The following SYTL3 variants were observed in gnomAD, a reference collection of about 807,000 sequenced individuals.
The protein encoded by SYTL3 is synaptotagmin-like protein 3.
In SYTL3, 88 loss-of-function variants were observed where a neutral mutation model predicts 82.1. The ratio of observed to expected loss-of-function variants is 1.07; its 90% CI spans 0.90 to 1.28. SYTL3 has a LOEUF of 1.28. SYTL3 is among the 50% of genes most tolerant of loss of function. The probability of loss-of-function intolerance (pLI) is 0.00; values close to 1 mark genes in which losing one functional copy is unlikely to be tolerated. For missense variants in SYTL3, 831 were observed against 757.6 expected (o/e 1.10, Z -1.14); for synonymous variants, 311 against 289.4 (o/e 1.07, Z -0.76).
upstream of SYTL3, among the ~76,000 whole-genome samples, chr6:158,649,625 G>A (rs937667538): frequency 6.6e-6 from 1 of 152,192 alleles, no homozygotes; most frequent in Non-Finnish European, 1.5e-5. Flanking sequence ...AATCTTCATC[G>A]CTCTTGGCCT....
At chr6:158,679,460 G>A (rs764404664) in intron 5 of SYTL3, among the ~76,000 whole-genome samples, 1 of 152,092 alleles carries the variant, frequency 6.6e-6, no homozygotes, top group Non-Finnish European at 1.5e-5. Flanking sequence ...TGCTGATTTT[G>A]CAAGAAAGGG....
At chr6:158,720,121 G>T (rs1353803732) in intron 10 of SYTL3, among the ~76,000 whole-genome samples, 1 of 151,570 alleles carries the variant, frequency 6.6e-6, no homozygotes, top group Non-Finnish European at 1.5e-5. Flanking sequence ...TTAAAAATTG[G>T]CCGGGCACCA....
chr6:158,665,305 GCC>G, intron 4 of SYTL3, 88 bp from the exon 5 acceptor site: 1 of 1,258,330 alleles, frequency 7.9e-7, no homozygotes, highest in Middle Eastern at 2.3e-4. Context: ...CCCTTCCCTT[GCC>G]ATGGGGGTTA....
intron 8 of SYTL3, among the ~76,000 whole-genome samples, chr6:158,708,610 G>T (rs1313674699): frequency 6.6e-6 from 1 of 152,156 alleles, no homozygotes; most frequent in Non-Finnish European, 1.5e-5. Context: ...TGTCATCAGC[G>T]ACCCTTTCTG....
chr6:158,733,190 A>G (rs1785641357), intron 11 of SYTL3, among the ~76,000 whole-genome samples: 1 of 152,198 alleles, frequency 6.6e-6, no homozygotes. Context: ...TTGAATGAAG[A>G]TATTTGTGCT....
intron 6 of SYTL3, among the ~76,000 whole-genome samples, chr6:158,698,492 A>T (rs907240971): frequency 6.6e-6 from 1 of 151,920 alleles, no homozygotes; most frequent in East Asian, 1.9e-4. Flanking sequence ...TTTTAGGTCA[A>T]ACTTTTAGAG....
chr6:158,660,282 C>A (rs66489451), intron 2 of SYTL3, among the ~76,000 whole-genome samples: 26,181 of 151,936 alleles, frequency 0.17, 2,278 homozygotes, highest in African/African-American at 0.19. Flanking sequence ...ACAACAACAA[C>A]AAAAAACAAA....
intron 5 of SYTL3, among the ~76,000 whole-genome samples, chr6:158,679,952 A>G (rs1279122296): frequency 6.6e-6 from 1 of 152,038 alleles, no homozygotes; most frequent in African/African-American, 2.4e-5. Flanking sequence ...TCAGATATGG[A>G]TATTTTGGGC....
intron 10 of SYTL3, among the ~76,000 whole-genome samples, chr6:158,719,627 G>A (rs1264303640): frequency 6.6e-6 from 1 of 152,200 alleles, no homozygotes; most frequent in African/African-American, 2.4e-5. Flanking sequence ...GTCTACAGAA[G>A]CTCCCTCCGA....
chr6:158,649,063 C>G (rs1258522362), upstream of SYTL3, among the ~76,000 whole-genome samples: 1 of 152,178 alleles, frequency 6.6e-6, no homozygotes. Context: ...GACCTCATCC[C>G]CAAGATCCAA....
intron 2 of SYTL3, among the ~76,000 whole-genome samples, chr6:158,654,181 T>C (rs563182428): frequency 2.6e-5 from 4 of 152,270 alleles, no homozygotes; most frequent in Non-Finnish European, 4.4e-5. Flanking sequence ...CCCTCTCTGC[T>C]CCTGTGTGGA....
In SYTL3 at chr6:158,663,291, G is replaced by A. The variant is rs777266435; in HGVS notation, c.23G>A (p.Ser8Asn). The change falls in exon 4 of 18, where the codon AGT becomes AAT. Residue 8 changes from serine (S) to asparagine (N), a missense_variant. Ser to Asn is a conservative substitution (Grantham distance 46). Transcript: ENST00000611299. MAQEIDL[S>N]ALKELEREAI... ...GAAATGGCCCAAGAAATAGATCTGA[G>A]TGCTCTCAAGGAGTTAGAACGCGAG... 4.3e-6 allele frequency: 7 copies of A among 1,614,022 alleles called. No individual in the cohort carries two copies. Among genetic ancestry groups the A allele is most frequent in the South Asian group, 2.2e-5 (2 of 91,072 alleles).
intron 6 of SYTL3, among the ~76,000 whole-genome samples, chr6:158,683,632 T>G (rs746330221): frequency 1.3e-5 from 2 of 152,246 alleles, no homozygotes; most frequent in Non-Finnish European, 2.9e-5. Context: ...GTAATTCTCT[T>G]CTGTAATTGT....
At position 158,764,594 on chromosome 6, in the gene SYTL3, T is replaced by G. The variant is rs759356620; in HGVS notation, c.1823T>G (p.Val608Gly). ...SPNLWTDMTLVLH is the reference protein window; with the variant it reads ...SPNLWTDMTLGLH ...AATCTATGGACAGACATGACTCTTG[T>G]CCTGCACTGACATGAAGGCCTCAAG... The change falls in exon 18 of 18, where the codon GTC becomes GGC. Residue 608 changes from valine (V) to glycine (G), a missense_variant. Coordinates refer to ENST00000611299, the MANE Select transcript of SYTL3 (RefSeq NM_001242394.2). 19 of 1,613,332 alleles carry G rather than the reference T, an allele frequency of 1.2e-5. No homozygotes were observed. In the South Asian group the frequency reaches 1.6e-4, roughly 14 times the overall value.
chr6:158,729,288 C>T (rs1027998298), intron 11 of SYTL3, among the ~76,000 whole-genome samples: 7 of 152,156 alleles, frequency 4.6e-5, no homozygotes, highest in Non-Finnish European at 5.9e-5. Context: ...ATGGACAGGA[C>T]TGGTGTCTAG....
At chr6:158,667,770 A>G (rs979291488) in intron 5 of SYTL3, among the ~76,000 whole-genome samples, 12 of 152,066 alleles carry the variant, frequency 7.9e-5, no homozygotes, top group African/African-American at 2.9e-4. Context: ...CAACCAACCA[A>G]CTCGCAGGTT....
chr6:158,728,847 C>A (rs890600526), intron 11 of SYTL3, among the ~76,000 whole-genome samples: 2 of 151,778 alleles, frequency 1.3e-5, no homozygotes, highest in Non-Finnish European at 2.9e-5. Flanking sequence ...CATGGTGAAA[C>A]CTCGTCTCTA....
intron 6 of SYTL3, among the ~76,000 whole-genome samples, chr6:158,685,218 T>C (rs11961658): frequency 2.7e-3 from 271 of 100,246 alleles, no homozygotes; most frequent in Admixed American, 4.2e-3. Context: ...CTCTCTCTCT[T>C]TTTTTTTTTT....
At chr6:158,701,070 A>G (rs1050356214) in intron 6 of SYTL3, among the ~76,000 whole-genome samples, 2 of 152,098 alleles carry the variant, frequency 1.3e-5, no homozygotes, top group African/African-American at 2.4e-5. Context: ...GCAGGCGTGC[A>G]CAGTAACCAC....
Sources: allele counts gnomAD v4.1 joint callset (sites outside exome capture counted in the v4.1 genomes callset), GRCh38; gene constraint gnomAD v4.1.1; transcripts MANE v1.5; gene names NCBI Gene and HGNC (gene_info 2026-07-23, HGNC 2026-07-21).